Variants in RAD51B observed in about 807,000 individuals in gnomAD.
RAD51B encodes the protein DNA repair protein RAD51 homolog 2.
In RAD51B, 38 loss-of-function variants were observed where a neutral mutation model predicts 42.2. The ratio of observed to expected loss-of-function variants is 0.90; its 90% CI spans 0.70 to 1.18. The LOEUF is 1.18. RAD51B is among the 50% of genes most tolerant of loss of function. The probability of loss-of-function intolerance (pLI) is 0.00; values close to 1 mark genes in which losing one functional copy is unlikely to be tolerated. For missense variants in RAD51B, 373 were observed against 400.7 expected (o/e 0.93, Z 0.59); for synonymous variants, 154 against 145.2 (o/e 1.06, Z -0.43).
intron 10 of RAD51B, among the ~76,000 whole-genome samples, chr14:68,536,698 C>A (rs561822008): frequency 6.6e-6 from 1 of 152,158 alleles, no homozygotes; most frequent in Non-Finnish European, 1.5e-5. Flanking sequence ...TGATTTAGAT[C>A]CTTGTGGAAA....
At chr14:67,875,279 G>T (rs144611099) in intron 5 of RAD51B, among the ~76,000 whole-genome samples, 1 of 152,298 alleles carries the variant, frequency 6.6e-6, no homozygotes, top group East Asian at 1.9e-4. Flanking sequence ...ATACAAAGGA[G>T]AGGTACTTGT....
chr14:68,230,900 A>G (rs530411113), intron 7 of RAD51B, among the ~76,000 whole-genome samples: 54 of 152,194 alleles, frequency 3.5e-4, no homozygotes, highest in Non-Finnish European at 7.4e-4. Flanking sequence ...TACTATCATC[A>G]TTATCACACA....
chr14:68,216,940 G>A (rs368386011), intron 7 of RAD51B, among the ~76,000 whole-genome samples: 24 of 152,152 alleles, frequency 1.6e-4, no homozygotes, highest in Non-Finnish European at 2.9e-4. Flanking sequence ...GTTGAGATTA[G>A]TCACTGTAAG....
At chr14:68,610,618 C>T (rs1566954415) in intron 10 of RAD51B, among the ~76,000 whole-genome samples, 1 of 152,254 alleles carries the variant, frequency 6.6e-6, no homozygotes, top group Non-Finnish European at 1.5e-5. Context: ...CTGCTCACTC[C>T]CAGAACTGAC....
chr14:68,339,328 C>T, intron 8 of RAD51B: 3 of 982,228 alleles, frequency 3.1e-6, no homozygotes, highest in Non-Finnish European at 3.2e-6. Flanking sequence ...CAGAGGATGG[C>T]TCTCTGCCGC....
chr14:68,456,269 C>G (rs1217725956), intron 9 of RAD51B, among the ~76,000 whole-genome samples: 3 of 152,118 alleles, frequency 2.0e-5, no homozygotes, highest in African/African-American at 4.8e-5. Flanking sequence ...ATTAATGCTC[C>G]AACCAAAAGG....
At chr14:67,934,002 A>C (rs1038511651) in intron 7 of RAD51B, among the ~76,000 whole-genome samples, 1 of 152,228 alleles carries the variant, frequency 6.6e-6, no homozygotes, top group Non-Finnish European at 1.5e-5. Flanking sequence ...TTCGTAGACT[A>C]TCAACATCAG....
At chr14:67,976,486 G>C (rs1391701429) in intron 7 of RAD51B, among the ~76,000 whole-genome samples, 2 of 151,354 alleles carry the variant, frequency 1.3e-5, no homozygotes, top group Non-Finnish European at 2.9e-5. Context: ...TATACTTTAA[G>C]TTTTAGGATA....
At chr14:67,926,814 G>A (rs1488849017) in intron 7 of RAD51B, among the ~76,000 whole-genome samples, 4 of 151,912 alleles carry the variant, frequency 2.6e-5, no homozygotes, top group South Asian at 2.1e-4. Context: ...TGCCTGCCTC[G>A]GCCTCCCAGA....
intron 5 of RAD51B, among the ~76,000 whole-genome samples, chr14:67,877,170 C>T (rs1184315973): frequency 6.6e-6 from 1 of 152,044 alleles, no homozygotes; most frequent in African/African-American, 2.4e-5. Flanking sequence ...GTCATTAAGA[C>T]TGATAATGCT....
chr14:68,540,355 T>C (rs1205638074), intron 10 of RAD51B: 8 of 1,049,990 alleles, frequency 7.6e-6, no homozygotes, highest in Non-Finnish European at 9.2e-6. Context: ...TCCTTGACAA[T>C]TGAGATAAGG....
intron 10 of RAD51B, among the ~76,000 whole-genome samples, chr14:68,585,403 C>T (rs750611804): frequency 4.6e-5 from 7 of 152,182 alleles, no homozygotes; most frequent in South Asian, 2.1e-4. Flanking sequence ...AGGTTCTTAG[C>T]GAGTCTCCCC....
At chr14:68,095,541 GT>G (rs2077177519) in intron 7 of RAD51B, among the ~76,000 whole-genome samples, 1 of 151,762 alleles carries the variant, frequency 6.6e-6, no homozygotes, top group Non-Finnish European at 1.5e-5. Flanking sequence ...ACTGTTTTTT[GT>G]TTTTATTTTT....
At chr14:68,099,479 C>T (rs2077252925) in intron 7 of RAD51B, among the ~76,000 whole-genome samples, 1 of 152,192 alleles carries the variant, frequency 6.6e-6, no homozygotes, top group South Asian at 2.1e-4. Context: ...AATTTTGGAT[C>T]CTGTTCCTTG....
intron 7 of RAD51B, among the ~76,000 whole-genome samples, chr14:67,936,906 G>T (rs1035554240): frequency 6.6e-6 from 1 of 152,020 alleles, no homozygotes; most frequent in Non-Finnish European, 1.5e-5. Flanking sequence ...TAAATCTCTT[G>T]CCCAGTTGTA....
intron 8 of RAD51B, chr14:68,338,902 A>T: frequency 1.5e-6 from 1 of 651,604 alleles, no homozygotes. Context: ...TTGTCTTCCG[A>T]GTTAACCTTT....
intron 9 of RAD51B, among the ~76,000 whole-genome samples, chr14:68,424,225 A>T (rs1453865254): frequency 6.6e-6 from 1 of 152,132 alleles, no homozygotes; most frequent in Non-Finnish European, 1.5e-5. Flanking sequence ...TTGCAAAGTC[A>T]CTTTTCCACA....
intron 7 of RAD51B, among the ~76,000 whole-genome samples, chr14:67,899,709 A>G (rs922977054): frequency 3.9e-5 from 6 of 152,248 alleles, no homozygotes; most frequent in African/African-American, 1.2e-4. Flanking sequence ...AGAAATAGCT[A>G]CATCTTATTG....
At chr14:68,399,002 G>C (rs967181243) in intron 8 of RAD51B, among the ~76,000 whole-genome samples, 4 of 152,156 alleles carry the variant, frequency 2.6e-5, no homozygotes, top group Admixed American at 2.0e-4. Flanking sequence ...GGTTTGGGAT[G>C]GGGCCTAGGA....
Sources: allele counts gnomAD v4.1 joint callset (sites outside exome capture counted in the v4.1 genomes callset), GRCh38; gene constraint gnomAD v4.1.1; transcripts MANE v1.5; gene names NCBI Gene and HGNC (gene_info 2026-07-23, HGNC 2026-07-21).